Variants in PEX5L observed in about 807,000 individuals in gnomAD.
PEX5L encodes PEX5-related protein.
Under a neutral mutation model 84.0 loss-of-function variants are expected in PEX5L, and 30 were observed. The ratio of observed to expected loss-of-function variants is 0.36; its 90% CI spans 0.27 to 0.48. The LOEUF is 0.48. Ranked by LOEUF, PEX5L falls within the 20% of genes least tolerant of loss-of-function variation. The pLI is 0.99. For synonymous variants in PEX5L, 270 were observed against 283.1 expected (o/e 0.95, Z 0.46); for missense variants, 533 against 754.6 (o/e 0.71, Z 3.44).
At chr3:179,985,777 T>A (rs2110347304) in intron 1 of PEX5L, among the ~76,000 whole-genome samples, 2 of 152,208 alleles carry the variant, frequency 1.3e-5, no homozygotes, top group Middle Eastern at 6.8e-3. Context: ...GGATCTTGAT[T>A]AATACCTCTC....
Position 179,820,043 on chromosome 3 carries a change from C to T in PEX5L, c.823-67G>A, listed in dbSNP as rs187649176. ...TGCCACATCATCTGTGTTTTTCTTC[C>T]CCCCCTAATAGATAAAAGAGGCTTC... On this transcript the variant is annotated intron_variant, in intron 8 of 14. Coordinates refer to ENST00000467460, the MANE Select transcript of PEX5L (RefSeq NM_016559.3). The T allele has an allele frequency of 2.6e-5, 42 of 1,603,892 alleles. No homozygotes were observed. The Middle Eastern group carries it at 6.6e-4, about 25-fold the overall frequency.
At chr3:179,859,203 T>C (rs777669149) in intron 7 of PEX5L, 46 bp from the exon 8 acceptor site, 1 of 1,367,486 alleles carries the variant, frequency 7.3e-7, no homozygotes, top group South Asian at 1.2e-5. Flanking sequence ...GAATCACATG[T>C]TATTATAGAA....
At chr3:179,863,780 TAAACTAAA>T (rs1242363696) in intron 7 of PEX5L, among the ~76,000 whole-genome samples, 4 of 152,070 alleles carry the variant, frequency 2.6e-5, no homozygotes, top group African/African-American at 9.7e-5. Flanking sequence ...GGGTCCTCAA[TAAACTAAA>T]AGTAGAGCTA....
At chr3:179,954,685 G>A (rs990389096) in intron 2 of PEX5L, among the ~76,000 whole-genome samples, 6 of 152,084 alleles carry the variant, frequency 3.9e-5, no homozygotes, top group African/African-American at 9.7e-5. Flanking sequence ...GGTGGAGCGC[G>A]GGCTTTGGAG....
chr3:179,976,556 A>G (rs1289277328), intron 1 of PEX5L, among the ~76,000 whole-genome samples: 3 of 151,848 alleles, frequency 2.0e-5, no homozygotes, highest in African/African-American at 7.3e-5. Context: ...TCCTGCCTCA[A>G]CCTCCCTAGT....
At chr3:179,960,506 G>A (rs76133869) in intron 2 of PEX5L, among the ~76,000 whole-genome samples, 28,632 of 152,104 alleles carry the variant, frequency 0.19, 3,471 homozygotes, top group Non-Finnish European at 0.27. Context: ...GTGCTCACCA[G>A]TAAGCTAAGC....
chr3:180,002,845 G>A (rs1788546839), intron 1 of PEX5L, among the ~76,000 whole-genome samples: 1 of 152,074 alleles, frequency 6.6e-6, no homozygotes, highest in Non-Finnish European at 1.5e-5. Context: ...TGCAGAAAAA[G>A]TTAGGAAGTA....
chr3:179,991,774 C>T (rs898743888), intron 1 of PEX5L, among the ~76,000 whole-genome samples: 18 of 152,192 alleles, frequency 1.2e-4, no homozygotes, highest in African/African-American at 3.9e-4. Flanking sequence ...ACTATACCAT[C>T]CATTCTCTTT....
At chr3:179,870,414 C>A (rs1189444749) in intron 7 of PEX5L, among the ~76,000 whole-genome samples, 1 of 152,012 alleles carries the variant, frequency 6.6e-6, no homozygotes, top group Non-Finnish European at 1.5e-5. Context: ...TCTGCCCACT[C>A]CAAGACCCTT....
chr3:179,840,560 G>A (rs1490373976), intron 8 of PEX5L, among the ~76,000 whole-genome samples: 1 of 152,140 alleles, frequency 6.6e-6, no homozygotes, highest in Non-Finnish European at 1.5e-5. Context: ...GAGTGCTGTG[G>A]TGAGAGGGGA....
intron 8 of PEX5L, among the ~76,000 whole-genome samples, chr3:179,854,124 A>C (rs1297997399): frequency 6.7e-6 from 1 of 149,070 alleles, no homozygotes; most frequent in African/African-American, 2.5e-5. Context: ...GACTAGGATT[A>C]CAGGCATGAG....
At chr3:179,937,263 GT>G (rs1176788503) in intron 2 of PEX5L, among the ~76,000 whole-genome samples, 1 of 152,116 alleles carries the variant, frequency 6.6e-6, no homozygotes, top group Admixed American at 6.5e-5. Flanking sequence ...CTACTTAATA[GT>G]AAGTACCAAA....
intron 8 of PEX5L, among the ~76,000 whole-genome samples, chr3:179,833,542 A>T (rs1466977950): frequency 6.6e-6 from 1 of 152,206 alleles, no homozygotes; most frequent in Non-Finnish European, 1.5e-5. Context: ...AGCAGAACAG[A>T]GCCCTTCTGT....
chr3:179,981,180 C>G (rs1417130726), intron 1 of PEX5L, among the ~76,000 whole-genome samples: 1 of 152,058 alleles, frequency 6.6e-6, no homozygotes, highest in Non-Finnish European at 1.5e-5. Flanking sequence ...AACAGAGTTG[C>G]CCAGGGTTGT....
chr3:179,815,786 G>A, intron 10 of PEX5L, 75 bp downstream of exon 10: 1 of 1,502,296 alleles, frequency 6.7e-7, no homozygotes, highest in Non-Finnish European at 9.2e-7. Context: ...AGCTGACCCA[G>A]CAGAGTTCTG....
chr3:180,009,244 G>C (rs9858831), intron 1 of PEX5L, among the ~76,000 whole-genome samples: 2,594 of 152,198 alleles, frequency 0.017, 83 homozygotes, highest in African/African-American at 0.059. Context: ...TGCTTGTAGG[G>C]GTTGTTTTCA....
chr3:179,876,886 T>C (rs757546173), intron 5 of PEX5L, among the ~76,000 whole-genome samples: 2 of 152,178 alleles, frequency 1.3e-5, no homozygotes, highest in East Asian at 1.9e-4. Context: ...ATTTGGGATT[T>C]TTTTTCTTGG....
intron 1 of PEX5L, among the ~76,000 whole-genome samples, chr3:180,014,047 G>C (rs1238785100): frequency 1.3e-5 from 2 of 152,214 alleles, no homozygotes; most frequent in African/African-American, 2.4e-5. Flanking sequence ...GGGTGGGAAA[G>C]GGAGTAATGC....
intron 2 of PEX5L, among the ~76,000 whole-genome samples, chr3:179,906,152 C>G (rs947162432): frequency 2.6e-5 from 4 of 152,030 alleles, no homozygotes; most frequent in African/African-American, 7.3e-5. Context: ...TAATAATATC[C>G]CTTTGTCCAC....
Sources: gnomAD v4.1 joint callset for allele counts (sites outside exome capture counted in the v4.1 genomes callset) on GRCh38, gnomAD v4.1.1 for gene constraint, MANE v1.5 for transcripts, NCBI Gene and HGNC (gene_info 2026-07-23, HGNC 2026-07-21) for gene names.